Variants in LIPN observed in about 807,000 individuals in gnomAD.
The protein encoded by LIPN is lipase family member N, also known as lipase member N.
LIPN carries 32 observed loss-of-function variants against 43.7 expected under a neutral mutation model. The observed-to-expected ratio is 0.73, with a 90% CI of 0.55 to 0.98. The LOEUF is 0.98. Ranked by LOEUF, LIPN falls within the 50% of genes least tolerant of loss-of-function variation. The pLI is 0.00. For missense variants in LIPN, 505 were observed against 483.8 expected (o/e 1.04, Z -0.41); for synonymous variants, 156 against 157.6 (o/e 0.99, Z 0.08).
chr10:88,768,583 T>C (rs1843150401), intron 5 of LIPN, among the ~76,000 whole-genome samples: 5 of 151,780 alleles, frequency 3.3e-5, no homozygotes, highest in Admixed American at 2.0e-4. Context: ...AGTCAAACTG[T>C]CCATAAATAG....
At chr10:88,772,092 T>C (rs778822473) in intron 7 of LIPN, among the ~76,000 whole-genome samples, 1 of 145,844 alleles carries the variant, frequency 6.9e-6, no homozygotes, top group Non-Finnish European at 1.5e-5. Context: ...TTTTGTCCAT[T>C]TTTAAATCAG....
In LIPN at chr10:88,766,287, A is replaced by C; in HGVS notation, c.444A>C (p.Lys148Asn). ...TTTGCAGTTTTGATGAAATGGCCAA[A>C]TATGATCTCCCAGGAGTAATAGACT... ...FWAFSFDEMA[K>N]YDLPGVIDFI... Residue 148 changes from lysine to asparagine, a missense_variant, in exon 5 of 10, where the codon AAA becomes AAC. Transcript: ENST00000404459. 6.2e-7 allele frequency: 1 copy of C among 1,600,712 alleles called. No individual in the cohort carries two copies. The highest frequency in any genetic ancestry group is 8.5e-7 in the Non-Finnish European group (1 of 1,170,400).
chr10:88,758,167 A>G (rs1179891043), upstream of LIPN, among the ~76,000 whole-genome samples: 1 of 152,114 alleles, frequency 6.6e-6, no homozygotes, highest in East Asian at 1.9e-4. Context: ...AAAAATAATA[A>G]TCATTTTTAC....
chr10:88,778,312 C>A lies in LIPN; in HGVS notation c.*70C>A. ...TAAGGGACTTTAGAAAAAATAGTAA[C>A]CAACAATGAGGTTGTCCCCCAGCAC... On this transcript the variant is annotated 3_prime_UTR_variant, in exon 10 of 10. Coordinates refer to ENST00000404459, the MANE Select transcript of LIPN (RefSeq NM_001102469.2). 1.7e-6 allele frequency: 2 copies of A among 1,162,804 alleles called. No individual in the cohort carries two copies. The highest frequency in any genetic ancestry group is 2.6e-5 in the East Asian group (1 of 39,118). The allele number at this position is 1,162,804 out of a possible 1,614,324, so 72.0% of individuals were successfully genotyped here.
chr10:88,768,660 CAGA>C (rs758820865), intron 5 of LIPN, 129 bp from the exon 6 acceptor site: 4 of 649,762 alleles, frequency 6.2e-6, no homozygotes, highest in Non-Finnish European at 1.0e-5. Context: ...TAGAATAACT[CAGA>C]AGACTTCCAA....
intron 7 of LIPN, among the ~76,000 whole-genome samples, chr10:88,773,170 C>A (rs1406205443): frequency 6.6e-6 from 1 of 151,580 alleles, no homozygotes; most frequent in Non-Finnish European, 1.5e-5. Context: ...TAAGTGGAAC[C>A]ATGAAGGTAG....
At chr10:88,772,090 A>G (rs1483571015) in intron 7 of LIPN, among the ~76,000 whole-genome samples, 1 of 146,086 alleles carries the variant, frequency 6.8e-6, no homozygotes, top group Non-Finnish European at 1.5e-5. Context: ...TCTTTTGTCC[A>G]TTTTTAAATC....
In LIPN at chr10:88,773,140, A is replaced by T. The variant is rs543078760; in HGVS notation, c.820-1333A>T. On this transcript the variant is annotated intron_variant, in intron 7 of 9. Transcript: ENST00000404459. ...TACCAATGACATTCTTCATTGAAAT[A>T]AAAAAAAAAGCCTAAAATTTAAGTG... 1.1e-4 allele frequency among the ~76,000 whole-genome samples: 11 copies of T among 96,428 alleles called. 1 individual carries two copies. The highest frequency in any genetic ancestry group is 2.8e-4 in the South Asian group (1 of 3,568). 63.3% of individuals were successfully genotyped at this position (96,428 alleles called of 152,430 possible).
In LIPN at chr10:88,778,335, C is replaced by T; in HGVS notation, c.*93C>T. 1.2e-6 allele frequency: 1 copy of T among 838,006 alleles called. No individual in the cohort carries two copies. The highest frequency in any genetic ancestry group is 1.9e-6 in the Non-Finnish European group (1 of 527,190). 51.9% of individuals were successfully genotyped at this position (838,006 alleles called of 1,614,324 possible). On this transcript the variant is annotated 3_prime_UTR_variant, in exon 10 of 10. Coordinates refer to ENST00000404459, the MANE Select transcript of LIPN (RefSeq NM_001102469.2). ...AACCAACAATGAGGTTGTCCCCCAG[C>T]ACCCTGGGGGAGATGCACAGTGGAG...
At chr10:88,777,372 T>C (rs991230434) in intron 9 of LIPN, among the ~76,000 whole-genome samples, 2 of 152,100 alleles carry the variant, frequency 1.3e-5, no homozygotes, top group Non-Finnish European at 1.5e-5. Context: ...ATAGCTTTAA[T>C]TTGGACCATT....
chr10:88,774,171 C>A (rs1200500084), intron 7 of LIPN, among the ~76,000 whole-genome samples: 1 of 152,018 alleles, frequency 6.6e-6, no homozygotes, highest in Non-Finnish European at 1.5e-5. Flanking sequence ...GCACATAGAA[C>A]CTTTCCTAGT....
chr10:88,762,239 A>G lies in LIPN; in HGVS notation c.160A>G (p.Thr54Ala). The change falls in exon 3 of 10, where the codon ACT becomes GCT. Residue 54 changes from threonine to alanine, a missense_variant. Physicochemically the swap from Thr to Ala is moderately conservative, Grantham distance 58. Transcript: ENST00000404459. ...GYPSEEYEVTTEDGYILLVNR... is the reference protein window; with the variant it reads ...GYPSEEYEVTAEDGYILLVNR... ...CCCCAGTGAAGAGTATGAAGTCACC[A>G]CTGAAGATGGGTATATACTCCTTGT... 6.2e-7 allele frequency: 1 copy of G among 1,609,880 alleles called. No individual in the cohort carries two copies.
chr10:88,768,886 C>G lies in LIPN; in HGVS notation c.630C>G (p.Gly210=), dbSNP rs530236265. The change falls in exon 6 of 10, where the codon GGC becomes GGG. Residue 210 remains glycine, a synonymous_variant. Coordinates refer to ENST00000404459, the MANE Select transcript of LIPN (RefSeq NM_001102469.2). The part of the protein sequence containing the change: ...GPTISFKYPT[G]IFTRFFLLPN... The stretch of plus-strand genomic sequence containing the variant: ...CGATCTCATTCAAATATCCCACGGG[C>G]ATTTTTACCAGGTTTTTTCTACTTC... 3 of 1,611,278 alleles carry G rather than the reference C, an allele frequency of 1.9e-6. No homozygotes were observed. In the South Asian group the frequency reaches 3.3e-5, roughly 18 times the overall value.
intron 2 of LIPN, among the ~76,000 whole-genome samples, chr10:88,761,793 ATC>A (rs1843005847): frequency 6.8e-6 from 1 of 147,250 alleles, no homozygotes; most frequent in Non-Finnish European, 1.5e-5. Flanking sequence ...CTATCTATCT[ATC>A]TATCTATAGA....
Position 88,761,427 on chromosome 10 carries a change from A to C in LIPN, c.22A>C (p.Thr8Pro). Residue 8 changes from threonine (T) to proline (P), a missense_variant, in exon 2 of 10, where the codon ACA becomes CCA. By Grantham distance (38) the Thr-to-Pro change is conservative. Transcript: ENST00000404459. ...TTCTATGATGTGGCTGCTTTTAACA[A>C]CAACTTGTTTGATCTGTGGAACTTT... is the stretch of plus-strand genomic sequence containing the variant. MMWLLLT[T>P]TCLICGTLNA... The C allele has an allele frequency of 6.2e-7, 1 of 1,612,228 alleles. No homozygotes were observed.
rs769622424 is a variant in LIPN, at chr10:88,774,503, C to T, written c.850C>T (p.Pro284Ser). The change falls in exon 8 of 10, where the codon CCC becomes TCC. Residue 284 changes from proline (P) to serine (S), a missense_variant. Coordinates refer to ENST00000404459, the MANE Select transcript of LIPN (RefSeq NM_001102469.2). The stretch of plus-strand genomic sequence containing the variant: ...AATGGATGTGTATATGTCACATGCT[C>T]CCACTGGTTCATCAGTACACAACAT... ...SRMDVYMSHA[P>S]TGSSVHNILH... The T allele has an allele frequency of 1.2e-6, 2 of 1,611,148 alleles. No individual in the cohort carries two copies. Among genetic ancestry groups the T allele is most frequent in the South Asian group, 2.2e-5 (2 of 90,976 alleles).
upstream of LIPN, among the ~76,000 whole-genome samples, chr10:88,759,696 T>A (rs1296934333): frequency 6.6e-6 from 1 of 152,064 alleles, no homozygotes; most frequent in Non-Finnish European, 1.5e-5. Context: ...TCATGAAGGA[T>A]CAAATGGGGA....
At chr10:88,769,514 T>G (rs966041553) in intron 6 of LIPN, 19 of 166,510 alleles carry the variant, frequency 1.1e-4, no homozygotes, top group African/African-American at 9.2e-4. Flanking sequence ...TATTAAAGGG[T>G]TTTTTTTTTT....
At chr10:88,768,716 G>A in intron 5 of LIPN, 76 bp from the exon 6 acceptor site, 1 of 1,289,076 alleles carries the variant, frequency 7.8e-7, no homozygotes, top group Non-Finnish European at 1.1e-6. Flanking sequence ...AAATGACTAA[G>A]CAGAGCCCCA....
Sources: gnomAD v4.1 joint callset for allele counts (sites outside exome capture counted in the v4.1 genomes callset) on GRCh38, gnomAD v4.1.1 for gene constraint, MANE v1.5 for transcripts, NCBI Gene and HGNC (gene_info 2026-07-23, HGNC 2026-07-21) for gene names.